The following RBFOX1 variants were observed in gnomAD, a reference collection of about 807,000 sequenced individuals.
RBFOX1 encodes the protein RNA binding fox-1 homolog 1.
Under a neutral mutation model 57.7 loss-of-function variants are expected in RBFOX1, and 8 were observed. That is an observed-to-expected ratio of 0.14 (90% CI 0.08 to 0.25). The LOEUF (loss-of-function observed/expected upper bound fraction) is 0.25, where lower values mean the gene tolerates loss of function less well. RBFOX1 is among the 10% of genes least tolerant of loss of function. The probability of loss-of-function intolerance (pLI) is 1.00; values close to 1 mark genes in which losing one functional copy is unlikely to be tolerated. For synonymous variants in RBFOX1, 326 were observed against 222.4 expected (o/e 1.47, Z -4.15); for missense variants, 611 against 548.5 (o/e 1.11, Z -1.14).
chr16:6,995,539 TGGATCACCTTAGGTCA>T (rs2153620867), intron 3 of RBFOX1, among the ~76,000 whole-genome samples: 1 of 151,922 alleles, frequency 6.6e-6, no homozygotes, highest in African/African-American at 2.4e-5. Context: ...CCAAGGAGGG[TGGATCACCTTAGGTCA>T]GGATCACCAG....
At chr16:5,907,681 C>G (rs532075226) in intron 4 of RBFOX1, among the ~76,000 whole-genome samples, 2 of 152,068 alleles carry the variant, frequency 1.3e-5, no homozygotes, top group Non-Finnish European at 2.9e-5. Flanking sequence ...GACATGCCTA[C>G]TTGCTGGTAT....
intron 3 of RBFOX1, among the ~76,000 whole-genome samples, chr16:7,004,401 G>C (rs1017917779): frequency 6.6e-6 from 1 of 152,088 alleles, no homozygotes; most frequent in African/African-American, 2.4e-5. Context: ...GTTTTATTTA[G>C]TCTCAGAGAC....
intron 3 of RBFOX1, among the ~76,000 whole-genome samples, chr16:7,051,564 G>C (rs762712055): frequency 1.3e-5 from 2 of 152,230 alleles, no homozygotes; most frequent in Non-Finnish European, 2.9e-5. Flanking sequence ...ACTACCATCT[G>C]ATTAGAACTG....
At chr16:6,164,721 AC>A (rs35899179) in intron 1 of RBFOX1, among the ~76,000 whole-genome samples, 198 of 150,850 alleles carry the variant, frequency 1.3e-3, no homozygotes, top group African/African-American at 4.2e-3. Context: ...CTGGTGATCC[AC>A]CCCCCTTGGC....
At chr16:6,214,542 G>A (rs1950706153) in intron 1 of RBFOX1, among the ~76,000 whole-genome samples, 1 of 118,606 alleles carries the variant, frequency 8.4e-6, no homozygotes, top group Admixed American at 8.4e-5. Flanking sequence ...TGGGGAGAAG[G>A]AGACAGGGAG....
Position 6,500,896 on chromosome 16 carries a change from T to TTTTTTGTTTGTTTGTTTGTTTG in RBFOX1, c.-63-153702_-63-153701insGTTTGTTTGTTTGTTTGTTTTT, listed in dbSNP as rs2095896619. 1.1e-3 allele frequency among the ~76,000 whole-genome samples: 151 copies of TTTTTTGTTTGTTTGTTTGTTTG among 142,368 alleles called. 1 individual carries two copies. The highest frequency in any genetic ancestry group is 7.6e-3 in the South Asian group (34 of 4,446). 93.4% of individuals were successfully genotyped at this position (142,368 alleles called of 152,430 possible). On this transcript the variant is annotated intron_variant, in intron 2 of 15. Transcript: ENST00000550418. ...GAGTAGTTTTTTTTTTTTTTTTTTT[T>TTTTTTGTTTGTTTGTTTGTTTG]TTTTTAATGCTGAGACATCCTCTGT...
chr16:7,627,154 C>A (rs1596788022), intron 10 of RBFOX1, among the ~76,000 whole-genome samples: 2 of 134,182 alleles, frequency 1.5e-5, no homozygotes, highest in African/African-American at 6.1e-5. Context: ...TAAGTTGAAC[C>A]ACATGAACTT....
intron 4 of RBFOX1, among the ~76,000 whole-genome samples, chr16:7,273,559 G>A (rs567590534): frequency 1.3e-5 from 2 of 152,088 alleles, no homozygotes; most frequent in African/African-American, 4.8e-5. Flanking sequence ...TAACCTCTTT[G>A]TGCCTTCATT....
At chr16:5,844,308 A>G (rs1367730688) in intron 3 of RBFOX1, among the ~76,000 whole-genome samples, 1 of 152,230 alleles carries the variant, frequency 6.6e-6, no homozygotes, top group Non-Finnish European at 1.5e-5. Context: ...GAAATGATGC[A>G]TGCTGCATTT....
In RBFOX1 at chr16:6,794,456, G is replaced by A. The variant is rs146853859; in HGVS notation, c.-16+139806G>A. The stretch of plus-strand genomic sequence containing the variant: ...ATTCCCTTCAGGATGCAGGGGGAGG[G>A]ATGGGAGAGAAGTTTCCTTTGTGAT... On this transcript the variant is annotated intron_variant, in intron 3 of 15. Transcript: ENST00000550418. 7.1e-3 allele frequency among the ~76,000 whole-genome samples: 1,086 copies of A among 152,134 alleles called. 15 individuals are homozygous for A. Among genetic ancestry groups the A allele is most frequent in the African/African-American group, 0.025 (1,026 of 41,486 alleles).
At chr16:5,411,940 C>T (rs2067032490) in intron 1 of RBFOX1, among the ~76,000 whole-genome samples, 1 of 152,148 alleles carries the variant, frequency 6.6e-6, no homozygotes, top group Non-Finnish European at 1.5e-5. Flanking sequence ...GATTCATCCT[C>T]TTCCTTTGTT....
At chr16:6,980,988 T>G (rs1285536838) in intron 3 of RBFOX1, among the ~76,000 whole-genome samples, 1 of 127,066 alleles carries the variant, frequency 7.9e-6, no homozygotes, top group Admixed American at 9.2e-5. Flanking sequence ...GGTTGCAGTC[T>G]GCCGAGATCA....
At chr16:7,054,621 C>G (rs1477964797) in intron 4 of RBFOX1, among the ~76,000 whole-genome samples, 1 of 151,084 alleles carries the variant, frequency 6.6e-6, no homozygotes, top group African/African-American at 2.4e-5. Flanking sequence ...CAATGAAATG[C>G]ATTTTCCTCA....
At chr16:5,264,402 G>A (rs1297467223) in intron 1 of RBFOX1, among the ~76,000 whole-genome samples, 1 of 152,168 alleles carries the variant, frequency 6.6e-6, no homozygotes, top group Non-Finnish European at 1.5e-5. Flanking sequence ...CCTGATGAGA[G>A]CAGTGGTCCC....
chr16:7,333,037 T>G (rs767727470), intron 4 of RBFOX1: 1 of 1,613,918 alleles, frequency 6.2e-7, no homozygotes, highest in African/African-American at 1.3e-5. Context: ...TGCATCCTTA[T>G]GGCGTGCCTA....
intron 14 of RBFOX1, among the ~76,000 whole-genome samples, chr16:7,706,600 G>A (rs994693894): frequency 6.6e-6 from 1 of 152,108 alleles, no homozygotes; most frequent in Non-Finnish European, 1.5e-5. Flanking sequence ...ATCTGAATTT[G>A]CATCTTTTCA....
chr16:5,796,664 A>C (rs900325125), intron 3 of RBFOX1, among the ~76,000 whole-genome samples: 1 of 152,212 alleles, frequency 6.6e-6, no homozygotes, highest in African/African-American at 2.4e-5. Flanking sequence ...GTCAATGCCC[A>C]TTTGATACTC....
intron 1 of RBFOX1, among the ~76,000 whole-genome samples, chr16:6,225,185 C>T (rs1455251286): frequency 1.3e-5 from 2 of 151,802 alleles, no homozygotes; most frequent in Admixed American, 6.6e-5. Flanking sequence ...ATAACAGCTA[C>T]AATCCCAATA....
intron 7 of RBFOX1, among the ~76,000 whole-genome samples, chr16:7,591,372 C>G (rs2094436156): frequency 6.6e-6 from 1 of 152,064 alleles, no homozygotes; most frequent in Non-Finnish European, 1.5e-5. Flanking sequence ...GTACCTTCAT[C>G]CATCCAGGGT....
Sources: gnomAD v4.1 joint callset for allele counts (sites outside exome capture counted in the v4.1 genomes callset) on GRCh38, gnomAD v4.1.1 for gene constraint, MANE v1.5 for transcripts, NCBI Gene and HGNC (gene_info 2026-07-23, HGNC 2026-07-21) for gene names.